Variants in CLK3 observed in about 807,000 individuals in gnomAD.
CLK3 encodes the protein dual specificity protein kinase CLK3.
A neutral mutation model predicts 65.2 loss-of-function variants in CLK3; 24 were observed. The observed-to-expected ratio is 0.37, with a 90% CI of 0.27 to 0.52. The LOEUF (loss-of-function observed/expected upper bound fraction) is 0.52. Ranked by LOEUF, CLK3 falls within the 20% of genes least tolerant of loss-of-function variation. The pLI is 0.92. For synonymous variants in CLK3, 252 were observed against 240.8 expected (o/e 1.05, Z -0.43); for missense variants, 506 against 660.0 (o/e 0.77, Z 2.56).
chr15:74,628,010 C>T lies in CLK3; in HGVS notation c.1083C>T (p.Gly361=). 1 of 1,613,926 alleles carries T rather than the reference C, an allele frequency of 6.2e-7. No homozygotes were observed. The highest frequency in any genetic ancestry group is 8.5e-7 in the Non-Finnish European group (1 of 1,179,778). Residue 361 remains glycine (G), a synonymous_variant, in exon 10 of 13, where the codon GGC becomes GGT. Coordinates refer to ENST00000395066, the MANE Select transcript of CLK3 (RefSeq NM_001130028.2). The part of the protein sequence containing the change: ...WAQPCDVWSI[G]CILFEYYRGF... ...AGCCCTGTGACGTCTGGAGCATTGG[C>T]TGCATTCTCTTTGAGTACTACCGGG...
intron 1 of CLK3, 136 bp downstream of exon 1, chr15:74,616,034 G>C (rs2062056563): frequency 1.5e-6 from 1 of 656,412 alleles, no homozygotes; most frequent in South Asian, 7.4e-5. Context: ...ATCGGGCCGC[G>C]ACCTCTCACC....
At chr15:74,615,525 G>A (rs1053547446), upstream of CLK3, 4 of 1,291,502 alleles carry the variant, frequency 3.1e-6, no homozygotes, top group African/African-American at 3.1e-5. Flanking sequence ...AGCGGGCCCA[G>A]CCCCACGGCC....
At chr15:74,610,218 G>A (rs1488458570) in intron 1 of CLK3, among the ~76,000 whole-genome samples, 1 of 152,244 alleles carries the variant, frequency 6.6e-6, no homozygotes, top group Non-Finnish European at 1.5e-5. Context: ...ACTTCTGTCT[G>A]CAGCAGCAGG....
In CLK3 at chr15:74,624,206, C is replaced by T. The variant is rs2062125751; in HGVS notation, c.534-696C>T. 1 of 152,358 alleles carries T rather than the reference C, an allele frequency of 6.6e-6. No individual in the cohort carries two copies. Among genetic ancestry groups the T allele is most frequent in the African/African-American group, 2.4e-5 (1 of 41,442 alleles). The allele number at this position is 152,358 out of a possible 1,614,324, so 9.4% of individuals were successfully genotyped here. A position where few individuals can be genotyped will look rare whatever the true frequency, so the allele number is the denominator to read the frequency against. On this transcript the variant is annotated intron_variant, in intron 5 of 12. Transcript: ENST00000395066. This position sits in a 1 kb window ranked among gnomAD's most constrained non-coding sequence, Gnocchi z 4.2. ...CAGTTGAGCCTCAGCAGGTTTCCTT[C>T]TCTGCTGGCTCCCTGCAGATGGCCT...
intron 12 of CLK3, 112 bp downstream of exon 12, chr15:74,629,144 C>A: frequency 1.2e-6 from 1 of 852,216 alleles, no homozygotes; most frequent in Non-Finnish European, 2.0e-6. Context: ...CTTGATCCAG[C>A]TCTATGGGAG....
chr15:74,613,108 G>A (rs2062011518), upstream of CLK3: 2 of 152,410 alleles, frequency 1.3e-5, no homozygotes, highest in African/African-American at 4.8e-5. Context: ...GGCAGACAGA[G>A]GAGACAGTAA....
rs778298698 is a variant in CLK3 at position 74,620,156 on chromosome 15, A to G, written c.300A>G (p.Pro100=). The G allele has an allele frequency of 1.8e-5, 29 of 1,613,978 alleles. No individual in the cohort carries two copies. Among genetic ancestry groups the G allele is most frequent in the Admixed American group, 8.3e-5 (5 of 60,012 alleles). The change falls in exon 3 of 13, where the codon CCA becomes CCG. Residue 100 remains proline (P), a synonymous_variant. Coordinates refer to ENST00000395066, the MANE Select transcript of CLK3 (RefSeq NM_001130028.2). ...GTCGGCGATCGCGGGAGAGGGGGCC[A>G]TACCGGACCCGCAAGCATGCCCACC... ...RHRRRSRERG[P]YRTRKHAHHC...
intron 1 of CLK3, among the ~76,000 whole-genome samples, chr15:74,618,713 A>G (rs1347158224): frequency 6.6e-6 from 1 of 152,214 alleles, no homozygotes; most frequent in Non-Finnish European, 1.5e-5. Context: ...GACAGCGTTC[A>G]GCTTCTCAAA....
Position 74,621,427 on chromosome 15 carries a change from C to T in CLK3, c.370-693C>T, listed in dbSNP as rs555999908. On this transcript the variant is annotated intron_variant, in intron 3 of 12. Transcript: ENST00000395066. This position sits in a 1 kb window ranked among gnomAD's most constrained non-coding sequence, Gnocchi z 4.8. ...GCCCAGAGGATCCCAGGCTGCTTTC[C>T]TTCTTGAGGCTGGTGGCAGGAGGGC... 4.2e-5 allele frequency: 7 copies of T among 168,476 alleles called. No individual in the cohort carries two copies. The South Asian group carries it at 9.6e-4, about 23-fold the overall frequency. 10.4% of individuals were successfully genotyped at this position (168,476 alleles called of 1,614,324 possible). A position where few individuals can be genotyped will look rare whatever the true frequency, so the allele number is the denominator to read the frequency against.
At chr15:74,628,802 C>T (rs888744600) in intron 11 of CLK3, 119 bp downstream of exon 11, 10 of 1,035,502 alleles carry the variant, frequency 9.7e-6, no homozygotes, top group African/African-American at 1.6e-5. Context: ...TCCGCAGGCT[C>T]CTAAAAGCCT....
In CLK3 at chr15:74,627,085, T is replaced by C. The variant is rs2062149039; in HGVS notation, c.818-267T>C. On this transcript the variant is annotated intron_variant, in intron 7 of 12. Transcript: ENST00000395066. The surrounding 1 kb of genome is among the most constrained non-coding windows in gnomAD (Gnocchi z 4.3). Reference sequence around the variant, plus strand: ...GAGACAGGTGAGGAGGCCTGGTCTCTGCAGAGGAGAGGTGGAGGGAGGTTT... The same window carrying C: ...GAGACAGGTGAGGAGGCCTGGTCTCCGCAGAGGAGAGGTGGAGGGAGGTTT... 3.6e-6 allele frequency: 2 copies of C among 552,716 alleles called. No homozygotes were observed. Among genetic ancestry groups the C allele is most frequent in the African/African-American group, 1.9e-5 (1 of 53,522 alleles). The allele number at this position is 552,716 out of a possible 1,614,324, so 34.2% of individuals were successfully genotyped here.
intron 1 of CLK3, chr15:74,608,519 T>A (rs2061942183): frequency 6.6e-6 from 1 of 152,090 alleles, no homozygotes; most frequent in Non-Finnish European, 1.5e-5. Flanking sequence ...GAGATGCCTC[T>A]TTCATGGCTC....
Position 74,629,003 on chromosome 15 carries a change from T to C in CLK3, c.1267T>C (p.Tyr423His). 6.2e-7 allele frequency: 1 copy of C among 1,613,864 alleles called. No homozygotes were observed. Residue 423 changes from tyrosine to histidine, a missense_variant, in exon 12 of 13, where the codon TAT becomes CAT. Tyr to His is a moderately conservative substitution (Grantham distance 83). Transcript: ENST00000395066. ...VWDENSSDGR[Y>H]VKENCKPLKS... is the part of the protein sequence containing the mutation. ...GGATGAGAACAGCTCTGACGGCCGG[T>C]ATGTGAAGGAGAACTGCAAACCTCT...
chr15:74,624,828 TGGGTTGGGGTGGA>T lies in CLK3; in HGVS notation c.534-64_534-52del, dbSNP rs1489985259. 12 of 1,079,558 alleles carry T rather than the reference TGGGTTGGGGTGGA, an allele frequency of 1.1e-5. No homozygotes were observed. The Admixed American group carries it at 1.8e-4, about 16-fold the overall frequency. 66.9% of individuals were successfully genotyped at this position (1,079,558 alleles called of 1,614,324 possible). On this transcript the variant is annotated intron_variant, in intron 5 of 12. Transcript: ENST00000395066. This position sits in a 1 kb window ranked among gnomAD's most constrained non-coding sequence, Gnocchi z 4.2. ...TGGAGTGGTGTTTGTTGGGAGTTGCTGGGTTGGGGTGGAGGGTTGGGGAAGGACTGGGCAGCTG... is the reference window on the plus strand; with the variant it reads ...TGGAGTGGTGTTTGTTGGGAGTTGCTGGGTTGGGGAAGGACTGGGCAGCTG...
At chr15:74,626,515 C>T (rs1273839969) in intron 7 of CLK3, among the ~76,000 whole-genome samples, 1 of 152,252 alleles carries the variant, frequency 6.6e-6, no homozygotes, top group Non-Finnish European at 1.5e-5. Flanking sequence ...GCTCCCCTAC[C>T]CTGAGCACTG....
intron 11 of CLK3, 72 bp downstream of exon 11, chr15:74,628,755 A>G: frequency 1.5e-6 from 2 of 1,315,912 alleles, no homozygotes; most frequent in Non-Finnish European, 1.1e-6. Flanking sequence ...TCAGCAGGGT[A>G]CTGGATGTGG....
intron 1 of CLK3, chr15:74,618,981 G>A: frequency 3.8e-6 from 2 of 531,398 alleles, no homozygotes; most frequent in East Asian, 3.4e-5. Flanking sequence ...GCTGGGAGCT[G>A]TTTGTTTGTT....
chr15:74,614,518 A>G (rs1405460422), upstream of CLK3, among the ~76,000 whole-genome samples: 1 of 152,216 alleles, frequency 6.6e-6, no homozygotes, highest in Non-Finnish European at 1.5e-5. Flanking sequence ...CCAGTTTTGA[A>G]TTAGCTTCTG....
chr15:74,619,807 G>A (rs1179006984), intron 2 of CLK3, among the ~76,000 whole-genome samples: 1 of 152,134 alleles, frequency 6.6e-6, no homozygotes, highest in Non-Finnish European at 1.5e-5. Flanking sequence ...TCCTACAGCT[G>A]GAGGATGCTG....
Sources: allele counts gnomAD v4.1 joint callset (sites outside exome capture counted in the v4.1 genomes callset), GRCh38; gene constraint gnomAD v4.1.1; non-coding constraint Gnocchi (gnomAD v3.1); transcripts MANE v1.5; gene names NCBI Gene and HGNC (gene_info 2026-07-23, HGNC 2026-07-21).